ATP2B2: variants seen among roughly 807,000 people sequenced by gnomAD.
The protein encoded by ATP2B2 is plasma membrane calcium-transporting ATPase 2.
In ATP2B2, 15 loss-of-function variants were observed where a neutral mutation model predicts 120.0. That is an observed-to-expected ratio of 0.12 (90% CI 0.08 to 0.19). The LOEUF is 0.19. Ranked by LOEUF, ATP2B2 falls within the 10% of genes least tolerant of loss-of-function variation. ATP2B2 has a pLI of 1.00. For synonymous variants in ATP2B2, 694 were observed against 700.3 expected (o/e 0.99, Z 0.14); for missense variants, 1,045 against 1,719.8 (o/e 0.61, Z 6.94).
Position 10,401,228 on chromosome 3 carries a change from T to A in ATP2B2, c.656-150A>T, listed in dbSNP as rs2289275. ...GGTGTAGGAACCAAGATGGTGCCCA[T>A]AGAAGGCCCATGTACAGCTCAACAC... On this transcript the variant is annotated intron_variant, in intron 4 of 22. Coordinates refer to ENST00000360273, the MANE Select transcript of ATP2B2 (RefSeq NM_001001331.4). 0.22 allele frequency: 232,971 copies of A among 1,043,502 alleles called. 28,007 individuals are homozygous for A. Among genetic ancestry groups the A allele is most frequent in the East Asian group, 0.36 (12,893 of 36,240 alleles). 64.6% of individuals were successfully genotyped at this position (1,043,502 alleles called of 1,614,324 possible). A position where few individuals can be genotyped will look rare whatever the true frequency, so the allele number is the denominator to read the frequency against.
intron 1 of ATP2B2, among the ~76,000 whole-genome samples, chr3:10,471,317 C>T (rs61159849): frequency 0.019 from 2,841 of 151,888 alleles, 87 homozygotes; most frequent in African/African-American, 0.065. Context: ...TTCCAGGCCA[C>T]GGGAGTCTAC....
intron 1 of ATP2B2, among the ~76,000 whole-genome samples, chr3:10,666,069 C>G (rs996445309): frequency 2.0e-5 from 3 of 152,192 alleles, no homozygotes; most frequent in African/African-American, 4.8e-5. Flanking sequence ...GGGACAGAAT[C>G]GAGTTCACCT....
intron 2 of ATP2B2, among the ~76,000 whole-genome samples, chr3:10,584,332 C>G (rs946352152): frequency 2.6e-5 from 4 of 152,144 alleles, no homozygotes; most frequent in African/African-American, 9.7e-5. Context: ...TCCAGCTAAT[C>G]CCCTGGGACA....
chr3:10,358,478 G>A lies in ATP2B2; in HGVS notation c.2136+213C>T, dbSNP rs544195254. Among the ~76,000 whole-genome samples the A allele has an allele frequency of 2.6e-5, 4 of 152,348 alleles. No homozygotes were observed. The South Asian group carries it at 8.3e-4, about 32-fold the overall frequency. ...AGAGCAATACCTGCTGGCAACCTGT[G>A]GGTTCTGTGTCCTTCTGGGCCGACC... On this transcript the variant is annotated intron_variant, in intron 14 of 22. Transcript: ENST00000360273.
chr3:10,388,126 A>T, intron 6 of ATP2B2, 151 bp downstream of exon 6: 1 of 1,142,966 alleles, frequency 8.7e-7, no homozygotes, highest in Non-Finnish European at 1.3e-6. Flanking sequence ...TACCTGGCCC[A>T]TGCAGGCCTT....
Position 10,576,049 on chromosome 3 carries a change from G to A in ATP2B2, c.-414-41916C>T, listed in dbSNP as rs528473306. Among the ~76,000 whole-genome samples, 289 of 152,330 alleles carry A rather than the reference G, an allele frequency of 1.9e-3. 1 individual carries two copies. Among genetic ancestry groups the A allele is most frequent in the Non-Finnish European group, 3.7e-3 (253 of 68,036 alleles). ...ACCCTGTACCGCAAATGCTGCTAAC[G>A]TGTTCATTTCACACATGGCGAAGCT... On this transcript the variant is annotated intron_variant, in intron 2 of 21. Coordinates refer to the ATP2B2 transcript ENST00000646379.
intron 5 of ATP2B2, chr3:10,394,553 G>A (rs1349812544): frequency 1.1e-5 from 5 of 467,450 alleles, no homozygotes; most frequent in African/African-American, 1.0e-4. Context: ...GTGTAATGGA[G>A]AGAGTGCGGG....
intron 1 of ATP2B2, among the ~76,000 whole-genome samples, chr3:10,477,950 A>C (rs2065264442): frequency 6.6e-6 from 1 of 152,148 alleles, no homozygotes; most frequent in Middle Eastern, 3.2e-3. Context: ...GATTTTTTTG[A>C]GGGACCACTA....
chr3:10,466,543 T>A (rs1188234321), intron 1 of ATP2B2, among the ~76,000 whole-genome samples: 1 of 152,000 alleles, frequency 6.6e-6, no homozygotes, highest in Non-Finnish European at 1.5e-5. Flanking sequence ...GGAAGGTGGA[T>A]GGGTAGCAAA....
intron 2 of ATP2B2, among the ~76,000 whole-genome samples, chr3:10,589,123 G>A (rs2068583273): frequency 6.6e-6 from 1 of 152,198 alleles, no homozygotes; most frequent in Non-Finnish European, 1.5e-5. Flanking sequence ...GGATGGGTCA[G>A]GGTGGGCCTC....
chr3:10,452,448 G>A (rs773046515), intron 1 of ATP2B2, among the ~76,000 whole-genome samples: 3 of 152,228 alleles, frequency 2.0e-5, no homozygotes, highest in Admixed American at 6.5e-5. Context: ...CACTAGGTCC[G>A]TGCAGGGATG....
At chr3:10,617,130 T>C (rs1228524734) in intron 2 of ATP2B2, among the ~76,000 whole-genome samples, 1 of 152,254 alleles carries the variant, frequency 6.6e-6, no homozygotes, top group East Asian at 1.9e-4. Flanking sequence ...CTAATATAAA[T>C]ACTGCTGTGA....
chr3:10,495,765 C>T (rs2066121839), intron 1 of ATP2B2, among the ~76,000 whole-genome samples: 1 of 152,254 alleles, frequency 6.6e-6, no homozygotes, highest in African/African-American at 2.4e-5. Context: ...ATACTCTTCA[C>T]CACACTGACC....
chr3:10,618,214 G>C (rs1452348870), intron 2 of ATP2B2, among the ~76,000 whole-genome samples: 2 of 152,232 alleles, frequency 1.3e-5, no homozygotes, highest in Non-Finnish European at 2.9e-5. Flanking sequence ...TAATGGTCAA[G>C]TGACTTTGGG....
chr3:10,588,528 A>G (rs2125573219), intron 2 of ATP2B2, among the ~76,000 whole-genome samples: 1 of 152,262 alleles, frequency 6.6e-6, no homozygotes, highest in Admixed American at 6.5e-5. Flanking sequence ...CTCTGCTTCA[A>G]AGGCAAAAAC....
In ATP2B2 at chr3:10,326,505, G is replaced by A. The variant is rs535249358; in HGVS notation, c.*2309C>T. The stretch of plus-strand genomic sequence containing the variant: ...ACACATGACTGATCAAAGAAGTGGG[G>A]AGATGGAAAACTGTGAGAAAGGAAA... On this transcript the variant is annotated 3_prime_UTR_variant, in exon 23 of 23. Coordinates refer to ENST00000360273, the MANE Select transcript of ATP2B2 (RefSeq NM_001001331.4). The A allele has an allele frequency of 7.7e-6, 3 of 391,970 alleles. No individual in the cohort carries two copies. Among genetic ancestry groups the A allele is most frequent in the Non-Finnish European group, 1.3e-5 (3 of 222,252 alleles). The allele number at this position is 391,970 out of a possible 1,614,324, so 24.3% of individuals were successfully genotyped here.
chr3:10,369,056 C>T (rs115789178), intron 12 of ATP2B2, among the ~76,000 whole-genome samples: 3 of 152,344 alleles, frequency 2.0e-5, no homozygotes, highest in African/African-American at 7.2e-5. Flanking sequence ...GGGGGAAATA[C>T]AGCATATGGG....
chr3:10,590,412 T>G (rs980122436), intron 2 of ATP2B2, among the ~76,000 whole-genome samples: 2 of 152,256 alleles, frequency 1.3e-5, no homozygotes, highest in Non-Finnish European at 2.9e-5. Context: ...TTTTACTGTA[T>G]GAAAATTATT....
intron 2 of ATP2B2, among the ~76,000 whole-genome samples, chr3:10,536,527 T>TTTC (rs200502084): frequency 2.0e-4 from 31 of 151,838 alleles, no homozygotes; most frequent in East Asian, 1.7e-3. Flanking sequence ...TCCTTTCTTC[T>TTTC]TTCTTCTTCT....
Sources: allele counts gnomAD v4.1 joint callset (sites outside exome capture counted in the v4.1 genomes callset), GRCh38; gene constraint gnomAD v4.1.1; transcripts MANE v1.5; gene names NCBI Gene and HGNC (gene_info 2026-07-23, HGNC 2026-07-21).